ANXA8: variants seen among roughly 807,000 people sequenced by gnomAD.
ANXA8 encodes annexin A8.
Under a neutral mutation model 26.8 loss-of-function variants are expected in ANXA8, and 9 were observed. The ratio of observed to expected loss-of-function variants is 0.34; its 90% CI spans 0.20 to 0.59. The LOEUF (loss-of-function observed/expected upper bound fraction) is 0.59, where lower values mean the gene tolerates loss of function less well. Among genes scored for constraint, ANXA8 ranks in the 20% least tolerant of loss-of-function variants. The probability of loss-of-function intolerance (pLI) is 0.84; values close to 1 mark genes in which losing one functional copy is unlikely to be tolerated. For missense variants in ANXA8, 83 were observed against 238.5 expected (o/e 0.35, Z 4.29); for synonymous variants, 39 against 94.8 (o/e 0.41, Z 3.42).
At chr10:47,597,333 A>G in the ANXA8 span, among the ~76,000 whole-genome samples, 4 of 149,230 alleles carry the variant, frequency 2.7e-5, no homozygotes, top group Non-Finnish European at 5.9e-5. Context: ...AAGAATTCCC[A>G]TAAGAATAAG....
chr10:47,494,951 C>T, the ANXA8 span, among the ~76,000 whole-genome samples: 1 of 152,060 alleles, frequency 6.6e-6, no homozygotes, highest in Admixed American at 6.5e-5. Flanking sequence ...TCCACAGATC[C>T]CAAAGAGAGC....
chr10:47,681,835 G>A, the ANXA8 span, among the ~76,000 whole-genome samples: 5 of 121,060 alleles, frequency 4.1e-5, no homozygotes, highest in Admixed American at 9.0e-5. Context: ...GCCACCGTGC[G>A]TGGCCAAATT....
the ANXA8 span, among the ~76,000 whole-genome samples, chr10:47,607,470 T>C: frequency 1.9e-4 from 29 of 150,580 alleles, 1 homozygote; most frequent in African/African-American, 6.9e-4. Flanking sequence ...ACATTCTGTA[T>C]GACAGAAAGC....
At chr10:47,929,892 C>T in the ANXA8 span, among the ~76,000 whole-genome samples, 1 of 151,932 alleles carries the variant, frequency 6.6e-6, no homozygotes, top group African/African-American at 2.4e-5. Context: ...GAGTGATCCA[C>T]TGAAACTAGT....
At chr10:47,676,234 A>G in the ANXA8 span, among the ~76,000 whole-genome samples, 1 of 151,774 alleles carries the variant, frequency 6.6e-6, no homozygotes, top group African/African-American at 2.4e-5. Flanking sequence ...TTTCAGAAGG[A>G]GAGAAGAGAA....
At chr10:47,548,987 A>T in the ANXA8 span, among the ~76,000 whole-genome samples, 1 of 151,746 alleles carries the variant, frequency 6.6e-6, no homozygotes, top group African/African-American at 2.4e-5. Context: ...ACTTACTATG[A>T]TATATTTGTA....
the ANXA8 span, among the ~76,000 whole-genome samples, chr10:47,660,089 C>G: frequency 6.8e-6 from 1 of 146,868 alleles, no homozygotes; most frequent in Non-Finnish European, 1.5e-5. Flanking sequence ...AGTGTTGTGA[C>G]CTTAGGCAAG....
the ANXA8 span, among the ~76,000 whole-genome samples, chr10:47,632,354 T>C: frequency 6.7e-6 from 1 of 150,338 alleles, no homozygotes; most frequent in Non-Finnish European, 1.5e-5. Context: ...CCTACTTTTG[T>C]TTGTTTGTTT....
chr10:47,702,289 T>C, the ANXA8 span, among the ~76,000 whole-genome samples: 20 of 151,372 alleles, frequency 1.3e-4, no homozygotes, highest in Admixed American at 7.2e-4. Flanking sequence ...TCCCCAGTAA[T>C]AATGAGCATA....
At chr10:47,720,114 A>C in the ANXA8 span, 1 of 999,338 alleles carries the variant, frequency 1.0e-6, no homozygotes, top group African/African-American at 1.8e-5. Flanking sequence ...ATAGATCTGG[A>C]AAAACTAGTC....
chr10:47,577,252 G>T, the ANXA8 span, among the ~76,000 whole-genome samples: 3 of 143,704 alleles, frequency 2.1e-5, no homozygotes, highest in Non-Finnish European at 3.0e-5. Flanking sequence ...AACAGGGTTG[G>T]GGAAGCTCAG....
At chr10:47,647,780 T>C in the ANXA8 span, among the ~76,000 whole-genome samples, 1 of 151,928 alleles carries the variant, frequency 6.6e-6, no homozygotes, top group South Asian at 2.1e-4. Flanking sequence ...TAAAAAACAT[T>C]TCATTTCACA....
chr10:47,688,271 AT>A, the ANXA8 span, among the ~76,000 whole-genome samples: 1 of 147,434 alleles, frequency 6.8e-6, no homozygotes, highest in Middle Eastern at 3.4e-3. Context: ...ATTTTAAGAA[AT>A]TTTTTAGTTT....
At chr10:47,941,263 G>A in the ANXA8 span, among the ~76,000 whole-genome samples, 15 of 146,304 alleles carry the variant, frequency 1.0e-4, no homozygotes, top group Admixed American at 9.4e-4. Flanking sequence ...ACCCTCCTCC[G>A]AGAGGACCAG....
chr10:47,734,916 G>A, the ANXA8 span, among the ~76,000 whole-genome samples: 1 of 125,866 alleles, frequency 7.9e-6, no homozygotes, highest in African/African-American at 3.5e-5. Flanking sequence ...CTACTTGGGA[G>A]GCTGAGGCAG....
the ANXA8 span, among the ~76,000 whole-genome samples, chr10:47,593,993 A>G: frequency 6.9e-6 from 1 of 145,174 alleles, no homozygotes; most frequent in East Asian, 2.0e-4. Context: ...CCTGTGCTGG[A>G]TGCTTCCAGT....
the ANXA8 span, among the ~76,000 whole-genome samples, chr10:47,658,979 C>G: frequency 1.3e-5 from 2 of 149,556 alleles, no homozygotes; most frequent in Non-Finnish European, 2.9e-5. Flanking sequence ...TCATGCCATT[C>G]TCCTGCCTCA....
At chr10:47,949,755 G>T in the ANXA8 span, among the ~76,000 whole-genome samples, 3 of 148,110 alleles carry the variant, frequency 2.0e-5, no homozygotes, top group Non-Finnish European at 4.5e-5. Context: ...TGAAGCCAGA[G>T]TTATAGCTAA....
chr10:47,694,305 G>A, the ANXA8 span, among the ~76,000 whole-genome samples: 1 of 149,940 alleles, frequency 6.7e-6, no homozygotes, highest in Non-Finnish European at 1.5e-5. Context: ...GAAATGTTGG[G>A]AAAAAAAAGA....
Sources: gnomAD v4.1 joint callset for allele counts (sites outside exome capture counted in the v4.1 genomes callset) on GRCh38, gnomAD v4.1.1 for gene constraint, MANE v1.5 for transcripts, NCBI Gene and HGNC (gene_info 2026-07-23, HGNC 2026-07-21) for gene names.